Variants in MGST2 observed in about 807,000 individuals in gnomAD.
The protein encoded by MGST2 is microsomal glutathione S-transferase 2, also known as glutathione peroxidase MGST2.
Under a neutral mutation model 16.6 loss-of-function variants are expected in MGST2, and 9 were observed. That is an observed-to-expected ratio of 0.54 (90% CI 0.33 to 0.95). The LOEUF (loss-of-function observed/expected upper bound fraction) is 0.95. Among genes scored for constraint, MGST2 ranks in the 40% least tolerant of loss-of-function variants. The pLI is 0.03. For missense variants in MGST2, 159 were observed against 175.1 expected, an observed-to-expected ratio of 0.91 and a Z score of 0.52; for synonymous variants, 79 against 68.0, an observed-to-expected ratio of 1.16 and a Z score of -0.79.
At chr4:139,672,694 G>T (rs1730763011) in intron 1 of MGST2, among the ~76,000 whole-genome samples, 1 of 151,902 alleles carries the variant, frequency 6.6e-6, no homozygotes. Flanking sequence ...GGGACTACAG[G>T]TGTGCACCAC....
chr4:139,713,907 C>G (rs959868149), intron 5 of MGST2, among the ~76,000 whole-genome samples: 4 of 152,200 alleles, frequency 2.6e-5, no homozygotes, highest in African/African-American at 9.7e-5. Context: ...AGCGTGGTCT[C>G]CAGTTCCTTT....
the MGST2 span, among the ~76,000 whole-genome samples, chr4:139,746,916 T>C: frequency 6.6e-6 from 1 of 152,156 alleles, no homozygotes; most frequent in South Asian, 2.1e-4. Flanking sequence ...TGGCGTCTGC[T>C]GTCCTGGACT....
chr4:139,728,251 C>G (rs371802446), intron 5 of MGST2, among the ~76,000 whole-genome samples: 1 of 152,216 alleles, frequency 6.6e-6, no homozygotes, highest in East Asian at 1.9e-4. Context: ...AGCACTTACT[C>G]CTTGTAGACC....
intron 3 of MGST2, among the ~76,000 whole-genome samples, 173 bp from the exon 4 acceptor site, chr4:139,703,282 C>T (rs1296463812): frequency 6.6e-6 from 1 of 152,212 alleles, no homozygotes; most frequent in East Asian, 1.9e-4. Context: ...AAACATTTTT[C>T]TTGAGATTAT....
At chr4:139,701,395 C>T (rs1011684734) in intron 3 of MGST2, among the ~76,000 whole-genome samples, 1 of 152,104 alleles carries the variant, frequency 6.6e-6, no homozygotes, top group Non-Finnish European at 1.5e-5. Context: ...TCTTCCTTCC[C>T]AGCTCTTTGC....
intron 3 of MGST2, among the ~76,000 whole-genome samples, chr4:139,700,406 C>CA (rs1727188163): frequency 6.6e-6 from 1 of 152,072 alleles, no homozygotes; most frequent in African/African-American, 2.4e-5. Context: ...GCTGGGATTA[C>CA]AGGCGTGAGC....
At chr4:139,712,508 A>G (rs914193081) in intron 5 of MGST2, among the ~76,000 whole-genome samples, 2 of 152,226 alleles carry the variant, frequency 1.3e-5, no homozygotes, top group Non-Finnish European at 2.9e-5. Flanking sequence ...TACAGCAAGG[A>G]TAATTATTTT....
At chr4:139,709,337 C>T (rs1727653392) in intron 5 of MGST2, among the ~76,000 whole-genome samples, 1 of 152,084 alleles carries the variant, frequency 6.6e-6, no homozygotes, top group African/African-American at 2.4e-5. Context: ...CCCACCTCAG[C>T]CTCCCAAAGT....
chr4:139,735,459 T>C lies in MGST2; in HGVS notation c.*49-4753T>C, dbSNP rs752482402. Among the ~76,000 whole-genome samples the C allele has an allele frequency of 3.8e-4, 33 of 87,898 alleles. No homozygotes were observed. The highest frequency in any genetic ancestry group is 1.2e-3 in the South Asian group (3 of 2,416). The allele number at this position is 87,898 out of a possible 152,430, so 57.7% of individuals were successfully genotyped here. A position where few individuals can be genotyped will look rare whatever the true frequency, so the allele number is the denominator to read the frequency against. ...GGCTGGGAGTGGGGTAGGGGGGCAG[T>C]GGCGACCTCCGGGGGGGGAGGGTGG... On this transcript the variant is annotated intron_variant, in intron 5 of 5. Transcript: ENST00000616265. This position sits in a 1 kb window ranked among gnomAD's most constrained non-coding sequence, Gnocchi z 5.8.
rs1305225616 is a variant in MGST2, at chr4:139,704,112, C to T, written c.408C>T (p.Asp136=). 1 of 1,614,190 alleles carries T rather than the reference C, an allele frequency of 6.2e-7. No homozygotes were observed. The highest frequency in any genetic ancestry group is 8.5e-7 in the Non-Finnish European group (1 of 1,180,034). The stretch of plus-strand genomic sequence containing the variant: ...ACAGCTTTCTGGATGAATATCTGGA[C>T]CTCAATATTGCCAAGAAACTGAGGC... ...IANSFLDEYL[D]LNIAKKLRRQ... Residue 136 remains aspartate, a synonymous_variant, in exon 5 of 5, where the codon GAC becomes GAT. Transcript: ENST00000265498.
At position 139,737,202 on chromosome 4, in the gene MGST2, C is replaced by T. The variant is rs190736165; in HGVS notation, c.*49-3010C>T. 1.8e-3 allele frequency among the ~76,000 whole-genome samples: 274 copies of T among 152,284 alleles called. 1 individual carries two copies. Among genetic ancestry groups the T allele is most frequent in the Middle Eastern group, 3.4e-3 (1 of 294 alleles). On this transcript the variant is annotated intron_variant, in intron 5 of 5. Coordinates refer to the MGST2 transcript ENST00000616265. ...AAAGCTATGATTTGAGGAAAGTTCC[C>T]TCTGATTGAAAGAGTTCTTCAAATA...
intron 2 of MGST2, among the ~76,000 whole-genome samples, chr4:139,693,699 T>C (rs1726751871): frequency 6.6e-6 from 1 of 152,222 alleles, no homozygotes; most frequent in South Asian, 2.1e-4. Context: ...TTTGGTTACT[T>C]CTGTGAGTTC....
chr4:139,690,923 G>A (rs1726538635), intron 2 of MGST2, among the ~76,000 whole-genome samples: 1 of 152,106 alleles, frequency 6.6e-6, no homozygotes. Flanking sequence ...AACAACAAGG[G>A]GTCTCAGCAG....
downstream of MGST2, among the ~76,000 whole-genome samples, chr4:139,708,646 G>C (rs1170285593): frequency 6.6e-6 from 1 of 151,972 alleles, no homozygotes; most frequent in Non-Finnish European, 1.5e-5. Flanking sequence ...CTATAAATTA[G>C]TCCTTAAGTG....
At chr4:139,713,294 A>G (rs1215689426) in intron 5 of MGST2, among the ~76,000 whole-genome samples, 1 of 152,184 alleles carries the variant, frequency 6.6e-6, no homozygotes, top group African/African-American at 2.4e-5. Context: ...AGAGGGATCC[A>G]TCTGCTTTTA....
At chr4:139,669,131 C>G (rs549490106) in intron 1 of MGST2, among the ~76,000 whole-genome samples, 26 of 152,210 alleles carry the variant, frequency 1.7e-4, no homozygotes, top group African/African-American at 6.3e-4. Context: ...CATCTGACAC[C>G]TTTTCCCCAT....
chr4:139,748,901 C>G, the MGST2 span, among the ~76,000 whole-genome samples: 1 of 152,156 alleles, frequency 6.6e-6, no homozygotes, highest in Non-Finnish European at 1.5e-5. Context: ...AAGAGAGCCT[C>G]TCTTAGGGGC....
At chr4:139,702,546 A>C (rs1225495398) in intron 3 of MGST2, among the ~76,000 whole-genome samples, 1 of 151,750 alleles carries the variant, frequency 6.6e-6, no homozygotes, top group African/African-American at 2.4e-5. Flanking sequence ...AATTGAATAG[A>C]CTCTATCACA....
rs560484524 is a variant in MGST2 at position 139,731,011 on chromosome 4, C to T, written c.*49-9201C>T. 79 of 288,374 alleles carry T rather than the reference C, an allele frequency of 2.7e-4. 1 individual carries two copies. Among genetic ancestry groups the T allele is most frequent in the Admixed American group, 1.6e-3 (34 of 21,934 alleles). The allele number at this position is 288,374 out of a possible 1,614,324, so 17.9% of individuals were successfully genotyped here. A position where few individuals can be genotyped will look rare whatever the true frequency, so the allele number is the denominator to read the frequency against. The stretch of plus-strand genomic sequence containing the variant: ...GGAATAAGCCCTCAGGCTGAGCTCA[C>T]CTAAAGTCTGGAACACGAGACACAT... On this transcript the variant is annotated intron_variant, in intron 5 of 5. Transcript: ENST00000616265.
Sources: allele counts gnomAD v4.1 joint callset (sites outside exome capture counted in the v4.1 genomes callset), GRCh38; gene constraint gnomAD v4.1.1; non-coding constraint Gnocchi (gnomAD v3.1); transcripts MANE v1.5; gene names NCBI Gene and HGNC (gene_info 2026-07-23, HGNC 2026-07-21).